TMEM135: variants seen among roughly 807,000 people sequenced by gnomAD.
The protein encoded by TMEM135 is peroxisomal membrane protein 52.
Under a neutral mutation model 60.3 loss-of-function variants are expected in TMEM135, and 30 were observed. The observed-to-expected ratio is 0.50, with a 90% CI of 0.37 to 0.68. TMEM135 has a LOEUF of 0.68. Among genes scored for constraint, TMEM135 ranks in the 30% least tolerant of loss-of-function variants. The pLI is 0.00. For synonymous variants in TMEM135, 190 were observed against 186.7 expected, an observed-to-expected ratio of 1.02 and a Z score of -0.14; for missense variants, 468 against 548.8, an observed-to-expected ratio of 0.85 and a Z score of 1.47.
chr11:87,128,558 A>G (rs11234982), intron 4 of TMEM135, among the ~76,000 whole-genome samples: 18,254 of 152,158 alleles, frequency 0.12, 1,416 homozygotes, highest in African/African-American at 0.21. Context: ...ACAAATAATT[A>G]TGCTTTGATG....
intron 4 of TMEM135, among the ~76,000 whole-genome samples, chr11:87,156,598 G>GT (rs893676478): frequency 7.3e-5 from 11 of 151,002 alleles, no homozygotes; most frequent in Non-Finnish European, 1.5e-4. Flanking sequence ...TTCCCTAGGA[G>GT]TTTTTTTTTA....
In TMEM135 at chr11:87,326,719, T is replaced by C. The variant is rs1008118538; in HGVS notation, c.*5386T>C. On this transcript the variant is annotated 3_prime_UTR_variant, in exon 15 of 15. Transcript: ENST00000305494. Reference sequence around the variant, plus strand: ...AAAACAGGAGTCCTTATTTTTCTATTTATTTCAGGGAAAATTGAAGGTAAA... The same window carrying C: ...AAAACAGGAGTCCTTATTTTTCTATCTATTTCAGGGAAAATTGAAGGTAAA... The C allele has an allele frequency of 2.2e-6, 1 of 448,104 alleles. No individual in the cohort carries two copies. The highest frequency in any genetic ancestry group is 4.4e-6 in the Non-Finnish European group (1 of 225,520). 27.8% of individuals were successfully genotyped at this position (448,104 alleles called of 1,614,324 possible).
intron 4 of TMEM135, among the ~76,000 whole-genome samples, chr11:87,097,442 G>A (rs2512327): frequency 0.55 from 83,242 of 152,042 alleles, 23,584 homozygotes; most frequent in East Asian, 0.71. Flanking sequence ...CCAAAACCTA[G>A]TGCTGTTCAT....
At chr11:87,233,543 T>C (rs1478314899) in intron 5 of TMEM135, among the ~76,000 whole-genome samples, 2 of 152,146 alleles carry the variant, frequency 1.3e-5, no homozygotes, top group Non-Finnish European at 2.9e-5. Flanking sequence ...TTTACAGGTA[T>C]ATAGCTATGT....
chr11:87,306,873 C>T (rs1157467234), intron 9 of TMEM135, among the ~76,000 whole-genome samples: 1 of 152,092 alleles, frequency 6.6e-6, no homozygotes, highest in East Asian at 1.9e-4. Context: ...AGGCACCCAT[C>T]ATCATGCCTG....
At chr11:87,314,431 C>G (rs1261059007) in intron 11 of TMEM135, 40 bp from the exon 12 acceptor site, 4 of 1,511,744 alleles carry the variant, frequency 2.6e-6, no homozygotes, top group Non-Finnish European at 3.7e-6. Flanking sequence ...CAAATAAATA[C>G]TCTGCGATCT....
In TMEM135 at chr11:87,071,630, A is replaced by G. The variant is rs2135142109; in HGVS notation, c.362+15A>G. 6.2e-7 allele frequency: 1 copy of G among 1,608,802 alleles called. No homozygotes were observed. The highest frequency in any genetic ancestry group is 8.5e-7 in the Non-Finnish European group (1 of 1,176,234). On this transcript the variant is annotated intron_variant, in intron 3 of 14. Transcript: ENST00000305494. ...AGAAAAAGCAGGTAAAATTTCATATATTTATTTAACGGAACTGATTACCTG... is the reference window on the plus strand; with the variant it reads ...AGAAAAAGCAGGTAAAATTTCATATGTTTATTTAACGGAACTGATTACCTG...
At chr11:87,120,187 A>T (rs542489299) in intron 4 of TMEM135, among the ~76,000 whole-genome samples, 60 of 144,000 alleles carry the variant, frequency 4.2e-4, no homozygotes, top group Non-Finnish European at 8.0e-4. Context: ...ATCACAGCTC[A>T]CTGTAACCTT....
At chr11:87,144,951 T>G (rs966947802) in intron 4 of TMEM135, among the ~76,000 whole-genome samples, 6 of 152,174 alleles carry the variant, frequency 3.9e-5, no homozygotes, top group Non-Finnish European at 7.4e-5. Flanking sequence ...TTAACTTTTT[T>G]GTGGCAAGAA....
At chr11:87,299,248 C>T (rs1056303540) in intron 7 of TMEM135, among the ~76,000 whole-genome samples, 1 of 152,176 alleles carries the variant, frequency 6.6e-6, no homozygotes, top group African/African-American at 2.4e-5. Context: ...CTCACAGTTC[C>T]TTATGGCTAG....
At chr11:87,266,113 C>T (rs1166410874) in intron 6 of TMEM135, among the ~76,000 whole-genome samples, 1 of 152,108 alleles carries the variant, frequency 6.6e-6, no homozygotes, top group African/African-American at 2.4e-5. Flanking sequence ...CCACCCAGGC[C>T]TGAAGCCTAC....
rs1280775082 is a variant in TMEM135 at position 87,080,169 on chromosome 11, T to TGG, written c.362+8554_362+8555insGG. ...TTTCTTCTTTTGCCTGTTTGCAGTG[T>TGG]TTTTTTTTTTTTTTTTGATATCAAC... On this transcript the variant is annotated intron_variant, in intron 3 of 14. Transcript: ENST00000305494. Among the ~76,000 whole-genome samples the TGG allele has an allele frequency of 6.1e-5, 3 of 49,030 alleles. No individual in the cohort carries two copies. The Admixed American group carries it at 7.9e-4, about 13-fold the overall frequency. The allele number at this position is 49,030 out of a possible 152,430, so 32.2% of individuals were successfully genotyped here.
intron 1 of TMEM135, among the ~76,000 whole-genome samples, chr11:87,059,709 A>G (rs1274332023): frequency 6.6e-6 from 1 of 152,270 alleles, no homozygotes; most frequent in East Asian, 1.9e-4. Context: ...GGGTTGAATC[A>G]GGAAGCAATT....
chr11:87,117,597 A>C (rs1289310800), intron 4 of TMEM135, among the ~76,000 whole-genome samples: 2 of 152,154 alleles, frequency 1.3e-5, no homozygotes, highest in Non-Finnish European at 2.9e-5. Flanking sequence ...GATCTGTTCA[A>C]GATTTATCAT....
At chr11:87,232,738 T>A (rs1940915746) in intron 5 of TMEM135, among the ~76,000 whole-genome samples, 1 of 152,192 alleles carries the variant, frequency 6.6e-6, no homozygotes, top group Admixed American at 6.6e-5. Context: ...GGAAGATTTG[T>A]ATTCTATGTG....
chr11:87,239,310 G>C (rs750608327), intron 6 of TMEM135, among the ~76,000 whole-genome samples: 7 of 152,056 alleles, frequency 4.6e-5, no homozygotes, highest in Non-Finnish European at 1.0e-4. Flanking sequence ...CTTGGCAGAA[G>C]TTTGTTTGAA....
At chr11:87,316,590 A>C (rs558069439) in intron 12 of TMEM135, among the ~76,000 whole-genome samples, 40 of 152,186 alleles carry the variant, frequency 2.6e-4, no homozygotes, top group Middle Eastern at 6.8e-3. Context: ...ATAGCAGTAG[A>C]GATGGAGAGA....
chr11:87,076,870 G>A (rs564695486), intron 3 of TMEM135, among the ~76,000 whole-genome samples: 1 of 152,256 alleles, frequency 6.6e-6, no homozygotes, highest in South Asian at 2.1e-4. Flanking sequence ...ACTCTGCCTG[G>A]TCTCTTCTCC....
At position 87,118,491 on chromosome 11, in the gene TMEM135, C is replaced by T. The variant is rs1256435329; in HGVS notation, c.396+27096C>T. ...TGAGACGGTGTGTCACACTGTTGCC[C>T]GGGCTGGAGTGCAATGACACGATCT... On this transcript the variant is annotated intron_variant, in intron 4 of 14. Transcript: ENST00000305494. Among the ~76,000 whole-genome samples, 8 of 151,724 alleles carry T rather than the reference C, an allele frequency of 5.3e-5. No homozygotes were observed. In the East Asian group the frequency reaches 5.8e-4, roughly 11 times the overall value.
Sources: allele counts gnomAD v4.1 joint callset (sites outside exome capture counted in the v4.1 genomes callset), GRCh38; gene constraint gnomAD v4.1.1; transcripts MANE v1.5; gene names NCBI Gene and HGNC (gene_info 2026-07-23, HGNC 2026-07-21).